FRMD4B: variants seen among roughly 807,000 people sequenced by gnomAD.
The protein encoded by FRMD4B is FERM domain-containing protein 4B.
A neutral mutation model predicts 141.5 loss-of-function variants in FRMD4B; 74 were observed. That is an observed-to-expected ratio of 0.52 (90% CI 0.43 to 0.63). The LOEUF (loss-of-function observed/expected upper bound fraction) is 0.63, where lower values mean the gene tolerates loss of function less well. Ranked by LOEUF, FRMD4B falls within the 30% of genes least tolerant of loss-of-function variation. The probability of loss-of-function intolerance (pLI) is 0.00; values close to 1 mark genes in which losing one functional copy is unlikely to be tolerated. For missense variants in FRMD4B, 1,366 were observed against 1,253.4 expected, an observed-to-expected ratio of 1.09 and a Z score of -1.36; for synonymous variants, 506 against 467.9, an observed-to-expected ratio of 1.08 and a Z score of -1.05.
intron 5 of FRMD4B, among the ~76,000 whole-genome samples, chr3:69,265,865 G>C (rs2093558966): frequency 6.6e-6 from 1 of 152,086 alleles, no homozygotes; most frequent in African/African-American, 2.4e-5. Flanking sequence ...GGCAGCAAAA[G>C]TTTAGAGAAA....
intron 1 of FRMD4B, among the ~76,000 whole-genome samples, chr3:69,343,574 TTTG>T (rs1326526844): frequency 5.6e-5 from 4 of 72,058 alleles, no homozygotes; most frequent in African/African-American, 1.4e-4. Context: ...TTAACAGTTT[TTTG>T]TTTTTTTTTT....
At position 69,171,873 on chromosome 3, in the gene FRMD4B, T is replaced by C. The variant is rs760082050; in HGVS notation, c.3093A>G (p.Gly1031=). The stretch of plus-strand genomic sequence containing the variant: ...GTCCAACTGCAGTTCAGACTAATGT[T>C]CCAGGCTTTGAATCTTCATGCCAAA... ...RLFWHEDSKP[G]TLV Residue 1031 remains glycine (G), a synonymous_variant, in exon 23 of 23, where the codon GGA becomes GGG. Coordinates refer to ENST00000398540, the MANE Select transcript of FRMD4B (RefSeq NM_015123.3). 1.9e-6 allele frequency: 3 copies of C among 1,612,536 alleles called. No homozygotes were observed. The highest frequency in any genetic ancestry group is 2.5e-6 in the Non-Finnish European group (3 of 1,178,868).
intron 22 of FRMD4B, among the ~76,000 whole-genome samples, chr3:69,175,225 A>G (rs370786336): frequency 6.6e-6 from 1 of 152,322 alleles, no homozygotes; most frequent in Admixed American, 6.5e-5. Flanking sequence ...CTGAAGCACT[A>G]TGACTTAAAT....
chr3:69,336,957 A>C (rs1036803423), intron 1 of FRMD4B, among the ~76,000 whole-genome samples: 1 of 151,316 alleles, frequency 6.6e-6, no homozygotes, highest in African/African-American at 2.5e-5. Context: ...AAACAAAAAC[A>C]AACAAACACA....
intron 7 of FRMD4B, among the ~76,000 whole-genome samples, chr3:69,229,139 G>A (rs1188081389): frequency 6.7e-6 from 1 of 148,578 alleles, no homozygotes; most frequent in African/African-American, 2.5e-5. Context: ...GATCCTCCCC[G>A]CTCAGCCTCC....
rs185946759 is a variant in FRMD4B, at chr3:69,488,011, G to A, written c.-129+54195C>T. 9.3e-5 allele frequency among the ~76,000 whole-genome samples: 14 copies of A among 150,058 alleles called. 1 individual carries two copies. In the East Asian group the frequency reaches 1.2e-3, roughly 13 times the overall value. On this transcript the variant is annotated intron_variant, in intron 1 of 5. Transcript: ENST00000459638. The stretch of plus-strand genomic sequence containing the variant: ...AATTTCATCTCTTCAACCAGATTAC[G>A]TTTTAAGAGGAAAAGGGAAAGAAAA...
chr3:69,500,740 C>T (rs982318348), intron 1 of FRMD4B, among the ~76,000 whole-genome samples: 5 of 151,752 alleles, frequency 3.3e-5, no homozygotes, highest in African/African-American at 1.2e-4. Context: ...CAGTGACTGC[C>T]ACAGAAGTTG....
rs560589545 is a variant in FRMD4B at position 69,528,366 on chromosome 3, C to CT, written c.-129+13839dup. Among the ~76,000 whole-genome samples, 5 of 148,052 alleles carry CT rather than the reference C, an allele frequency of 3.4e-5. No individual in the cohort carries two copies. In the East Asian group the frequency reaches 8.0e-4, roughly 24 times the overall value. On this transcript the variant is annotated intron_variant, in intron 1 of 5. Transcript: ENST00000459638. ...TTCTTTCCTTTTCCTTTCTCTCTCT[C>CT]TTTTTTTTCTTTTTTTGAGACACAG...
intron 5 of FRMD4B, among the ~76,000 whole-genome samples, chr3:69,265,536 C>A (rs2093557069): frequency 6.9e-6 from 1 of 145,854 alleles, no homozygotes; most frequent in African/African-American, 2.5e-5. Context: ...GCAAGCTCCG[C>A]CGCCCGGTTC....
intron 1 of FRMD4B, among the ~76,000 whole-genome samples, chr3:69,518,824 C>A (rs1700806055): frequency 6.6e-6 from 1 of 152,210 alleles, no homozygotes; most frequent in African/African-American, 2.4e-5. Context: ...CAGCCCCCTG[C>A]AGATCTAGGG....
chr3:69,243,533 T>C (rs1359368332), intron 7 of FRMD4B, among the ~76,000 whole-genome samples: 1 of 152,148 alleles, frequency 6.6e-6, no homozygotes, highest in Non-Finnish European at 1.5e-5. Flanking sequence ...AATGAGAAAT[T>C]AAGAGATTTT....
chr3:69,176,751 C>T, intron 21 of FRMD4B, 95 bp from the exon 22 acceptor site: 2 of 787,284 alleles, frequency 2.5e-6, no homozygotes, highest in Non-Finnish European at 4.1e-6. Flanking sequence ...TCAGCTTTGT[C>T]AGAGGAGAAA....
intron 18 of FRMD4B, among the ~76,000 whole-genome samples, chr3:69,188,919 C>A (rs2092803275): frequency 6.6e-6 from 1 of 151,582 alleles, no homozygotes; most frequent in Non-Finnish European, 1.5e-5. Context: ...TAAACCCATT[C>A]TATAATGGAA....
chr3:69,206,283 G>A (rs2093023767), intron 11 of FRMD4B, among the ~76,000 whole-genome samples: 1 of 152,180 alleles, frequency 6.6e-6, no homozygotes, highest in South Asian at 2.1e-4. Flanking sequence ...ACAGGAGGCA[G>A]ATGTTGCAGT....
At chr3:69,489,270 T>C (rs1706267183) in intron 1 of FRMD4B, among the ~76,000 whole-genome samples, 1 of 149,396 alleles carries the variant, frequency 6.7e-6, no homozygotes, top group Non-Finnish European at 1.5e-5. Context: ...GATATATGTA[T>C]ATAAAATGTA....
At position 69,216,257 on chromosome 3, in the gene FRMD4B, A is replaced by G; in HGVS notation, c.876+6T>C. 6.9e-7 allele frequency: 1 copy of G among 1,440,750 alleles called. No individual in the cohort carries two copies. Among genetic ancestry groups the G allele is most frequent in the Non-Finnish European group, 9.7e-7 (1 of 1,036,136 alleles). The allele number at this position is 1,440,750 out of a possible 1,614,324, so 89.2% of individuals were successfully genotyped here. On this transcript the variant is annotated splice_donor_region_variant and intron_variant, in intron 11 of 22. Coordinates refer to ENST00000398540, the MANE Select transcript of FRMD4B (RefSeq NM_015123.3). ...TCAAAGTTCTCCTAAAGTGATCCAC[A>G]CTTACCTTCCGAGGCTTCACCTTGT...
intron 5 of FRMD4B, among the ~76,000 whole-genome samples, chr3:69,284,548 A>G (rs1257454459): frequency 6.6e-6 from 1 of 152,192 alleles, no homozygotes; most frequent in Non-Finnish European, 1.5e-5. Flanking sequence ...AAAAAACCAA[A>G]CCATATTCAA....
intron 3 of FRMD4B, chr3:69,306,467 G>A (rs1191528551): frequency 1.3e-5 from 2 of 152,184 alleles, no homozygotes; most frequent in South Asian, 4.1e-4. Flanking sequence ...ACATGAGAAG[G>A]CAAAACAAAA....
Position 69,181,229 on chromosome 3 carries a change from A to G in FRMD4B, c.2521T>C (p.Ser841Pro). Residue 841 changes from serine (S) to proline (P), a missense_variant, in exon 21 of 23, where the codon TCC becomes CCC. By Grantham distance (74) the Ser-to-Pro change is moderately conservative (BLOSUM62 -1). Transcript: ENST00000398540. ...CGCTCATATCCATAGTGGGCTGAGG[A>G]CCGGTAGGAAGGGTTGACACTATAC... ...GQYSVNPSYR[S>P]SAHYGYERQR... The G allele has an allele frequency of 1.2e-6, 2 of 1,613,840 alleles. No homozygotes were observed. The highest frequency in any genetic ancestry group is 2.2e-5 in the South Asian group (2 of 91,086).
Sources: gnomAD v4.1 joint callset for allele counts (sites outside exome capture counted in the v4.1 genomes callset) on GRCh38, gnomAD v4.1.1 for gene constraint, MANE v1.5 for transcripts, NCBI Gene and HGNC (gene_info 2026-07-23, HGNC 2026-07-21) for gene names.